TRPM7: variants seen among roughly 807,000 people sequenced by gnomAD.
TRPM7 encodes the protein LTRPC ion channel family member 7.
TRPM7 carries 134 observed loss-of-function variants against 229.7 expected under a neutral mutation model. The ratio of observed to expected loss-of-function variants is 0.58; its 90% confidence interval spans 0.51 to 0.67. The LOEUF (loss-of-function observed/expected upper bound fraction) is 0.67, where lower values mean the gene tolerates loss of function less well. Ranked by LOEUF, TRPM7 falls within the 30% of genes least tolerant of loss-of-function variation. The probability of loss-of-function intolerance (pLI) is 0.00; values close to 1 mark genes in which losing one functional copy is unlikely to be tolerated. For missense variants in TRPM7, 1,901 were observed against 2,210.0 expected, an observed-to-expected ratio of 0.86 and a Z score of 2.80; for synonymous variants, 699 against 715.2, an observed-to-expected ratio of 0.98 and a Z score of 0.36.
At chr15:50,586,126 T>G (rs986916027) in intron 28 of TRPM7, among the ~76,000 whole-genome samples, 4 of 152,248 alleles carry the variant, frequency 2.6e-5, no homozygotes, top group African/African-American at 7.2e-5. Context: ...CAGATACATT[T>G]GCAAAAGCTA....
chr15:50,628,271 T>C (rs550023777), intron 10 of TRPM7, 22 bp from the exon 11 acceptor site: 1 of 1,524,688 alleles, frequency 6.6e-7, no homozygotes, highest in African/African-American at 1.4e-5. Flanking sequence ...AAGAAAATAG[T>C]TGACAGGTTC....
rs755704860 is a variant in TRPM7 at position 50,586,398 on chromosome 15, T to C, written c.4480A>G (p.Lys1494Glu). 2.5e-6 allele frequency: 4 copies of C among 1,601,810 alleles called. 1 individual carries two copies. In the South Asian group the frequency reaches 4.4e-5, roughly 18 times the overall value. Reference protein sequence around the residue: ...CHRTSIPVHSKQAEKISRRPS... With the variant: ...CHRTSIPVHSEQAEKISRRPS... Reference sequence around the variant, plus strand: ...ATATGGTCAAAATACTCACCTTGTTTTGAATGAACAGGAATGGAAGTTCTG... The same window carrying C: ...ATATGGTCAAAATACTCACCTTGTTCTGAATGAACAGGAATGGAAGTTCTG... Residue 1494 changes from lysine to glutamate, a missense_variant, in exon 28 of 39, where the codon AAA (lysine) becomes GAA (glutamate). Physicochemically the swap from Lys to Glu is moderately conservative, Grantham distance 56. This residue lies in a region of TRPM7 where 533 missense variants were observed against 497.1 expected (regional missense o/e 1.07). Transcript: ENST00000646667.
intron 20 of TRPM7, among the ~76,000 whole-genome samples, chr15:50,605,989 T>C (rs538379988): frequency 6.6e-6 from 1 of 152,124 alleles, no homozygotes; most frequent in Non-Finnish European, 1.5e-5. Context: ...GAGAGAGAAG[T>C]ACAACACCTT....
chr15:50,658,005 A>ATTT (rs529961423), intron 2 of TRPM7, among the ~76,000 whole-genome samples, 186 bp from the exon 3 acceptor site: 7 of 139,294 alleles, frequency 5.0e-5, no homozygotes, highest in East Asian at 2.1e-4. Flanking sequence ...GACAGTCTCA[A>ATTT]TTTTTTTTTT....
chr15:50,662,849 A>G (rs1381372744), intron 2 of TRPM7, 118 bp downstream of exon 2: 10 of 770,096 alleles, frequency 1.3e-5, no homozygotes, highest in Admixed American at 2.8e-5. Flanking sequence ...AGTAATTATA[A>G]AAAGTAACAG....
intron 1 of TRPM7, among the ~76,000 whole-genome samples, chr15:50,677,380 C>T (rs559261216): frequency 7.2e-5 from 11 of 151,970 alleles, no homozygotes; most frequent in South Asian, 4.2e-4. Context: ...TCTCGGGGAG[C>T]GAGGGAGATC....
chr15:50,610,985 CCCA>C, intron 17 of TRPM7, 105 bp downstream of exon 17: 1 of 819,988 alleles, frequency 1.2e-6, no homozygotes, highest in Non-Finnish European at 1.9e-6. Context: ...CTCTTTACCC[CCCA>C]CCATTACACT....
intron 21 of TRPM7, among the ~76,000 whole-genome samples, chr15:50,602,656 G>A (rs968750585): frequency 5.3e-5 from 8 of 152,106 alleles, no homozygotes; most frequent in African/African-American, 1.9e-4. Flanking sequence ...TGAGTTCCAC[G>A]AAGATCTGGA....
At position 50,648,687 on chromosome 15, in the gene TRPM7, C is replaced by T; in HGVS notation, c.321G>A (p.Lys107=). 1.2e-6 allele frequency: 2 copies of T among 1,600,642 alleles called. No homozygotes were observed. The highest frequency in any genetic ancestry group is 1.7e-6 in the Non-Finnish European group (2 of 1,173,100). ...AAGAAAAATCCAATATGTGACATACCTTAGCTCTGTAGGAATGAGAACCCC... is the reference window on the plus strand; with the variant it reads ...AAGAAAAATCCAATATGTGACATACTTTAGCTCTGTAGGAATGAGAACCCC... ...FQGGSHSYRA[K]YVRLSYDTKP... Residue 107 remains lysine (K), a splice_region_variant and synonymous_variant, in exon 4 of 39, where the codon AAG becomes AAA. Coordinates refer to ENST00000646667, the MANE Select transcript of TRPM7 (RefSeq NM_017672.6).
chr15:50,584,616 G>GT (rs78772652), intron 28 of TRPM7, among the ~76,000 whole-genome samples: 25,106 of 133,838 alleles, frequency 0.19, 2,458 homozygotes, highest in Non-Finnish European at 0.24. Context: ...TCAGATTTCT[G>GT]TTTTTTTTTT....
rs188987609 is a variant in TRPM7, at chr15:50,660,490, C to T, written c.83+2477G>A. Among the ~76,000 whole-genome samples the T allele has an allele frequency of 7.1e-3, 1,074 of 152,162 alleles. 9 individuals are homozygous for T. Among genetic ancestry groups the T allele is most frequent in the Middle Eastern group, 0.027 (8 of 294 alleles). ...CAACATGGTGAAACCCCTGTCTCTA[C>T]TAAAAATAAAAAAAATTAAGTGGGC... is the stretch of plus-strand genomic sequence containing the variant. On this transcript the variant is annotated intron_variant, in intron 2 of 38. Transcript: ENST00000646667.
At chr15:50,633,604 T>C (rs1191223725) in intron 8 of TRPM7, among the ~76,000 whole-genome samples, 4 of 152,332 alleles carry the variant, frequency 2.6e-5, no homozygotes, top group African/African-American at 9.6e-5. Context: ...CCTTCCTTTT[T>C]GCATGTACAT....
intron 9 of TRPM7, 76 bp downstream of exon 9, chr15:50,632,793 C>A: frequency 1.5e-6 from 2 of 1,322,724 alleles, no homozygotes; most frequent in Non-Finnish European, 2.0e-6. Context: ...AAAAGTATTT[C>A]ACCAGTTTAG....
intron 1 of TRPM7, among the ~76,000 whole-genome samples, chr15:50,663,618 C>T (rs1162962363): frequency 6.6e-6 from 1 of 152,144 alleles, no homozygotes; most frequent in Non-Finnish European, 1.5e-5. Context: ...GAGATTCCCA[C>T]TACGAACCAA....
chr15:50,624,317 T>C lies in TRPM7; in HGVS notation c.1306-17A>G. 1.3e-6 allele frequency: 2 copies of C among 1,557,678 alleles called. No homozygotes were observed. Among genetic ancestry groups the C allele is most frequent in the Non-Finnish European group, 1.7e-6 (2 of 1,154,064 alleles). On this transcript the variant is annotated splice_polypyrimidine_tract_variant and intron_variant, in intron 11 of 38. Transcript: ENST00000646667. ...GGATCCAACCTAGGAGTATCAAATT[T>C]AATAAATACATATTTCACATATTCT...
At chr15:50,598,981 C>T in intron 22 of TRPM7, 141 bp downstream of exon 22, 1 of 615,002 alleles carries the variant, frequency 1.6e-6, no homozygotes, top group Non-Finnish European at 2.8e-6. Context: ...TATGTTTCTT[C>T]TGGAGTTCAC....
chr15:50,590,376 T>G (rs2059456186), intron 26 of TRPM7, among the ~76,000 whole-genome samples: 1 of 152,142 alleles, frequency 6.6e-6, no homozygotes, highest in Non-Finnish European at 1.5e-5. Context: ...ACAAAAATAT[T>G]TTGGCAATAA....
At chr15:50,651,880 C>G (rs1226294173) in intron 3 of TRPM7, among the ~76,000 whole-genome samples, 2 of 151,614 alleles carry the variant, frequency 1.3e-5, no homozygotes, top group African/African-American at 4.8e-5. Context: ...GAGCAAGATT[C>G]CTTCTCAAAA....
chr15:50,591,883 T>C, intron 26 of TRPM7, 28 bp downstream of exon 26: 1 of 1,422,650 alleles, frequency 7.0e-7, no homozygotes, highest in Non-Finnish European at 9.5e-7. Context: ...ATAATATTGA[T>C]ATACAAATAC....
Sources: gnomAD v4.1 joint callset for allele counts (sites outside exome capture counted in the v4.1 genomes callset) on GRCh38, gnomAD v4.1.1 for gene constraint, gnomAD v4.1.1 regional missense constraint, MANE v1.5 for transcripts, NCBI Gene and HGNC (gene_info 2026-07-23, HGNC 2026-07-21) for gene names.